The following GALNT17 variants were observed in gnomAD, a reference collection of about 807,000 sequenced individuals.
The protein encoded by GALNT17 is polypeptide N-acetylgalactosaminyltransferase 17, also known as UDP-GalNAc:polypeptide N-acetylgalactosaminyltransferase-like 3.
In GALNT17, 29 loss-of-function variants were observed where a neutral mutation model predicts 63.7. The observed-to-expected ratio is 0.46, with a 90% confidence interval of 0.34 to 0.62. The LOEUF (loss-of-function observed/expected upper bound fraction) is 0.62. Ranked by LOEUF, GALNT17 falls within the 20% of genes least tolerant of loss-of-function variation. The probability of loss-of-function intolerance (pLI) is 0.01; values close to 1 mark genes in which losing one functional copy is unlikely to be tolerated. For synonymous variants in GALNT17, 305 were observed against 318.3 expected (o/e 0.96, Z 0.45); for missense variants, 603 against 799.6 (o/e 0.75, Z 2.97).
intron 1 of GALNT17, among the ~76,000 whole-genome samples, chr7:71,236,200 A>T (rs560564020): frequency 7.2e-5 from 11 of 151,798 alleles, no homozygotes; most frequent in East Asian, 1.9e-4. Flanking sequence ...TAAATAAAAA[A>T]AAAAATAAAA....
Position 71,349,472 on chromosome 7 carries a change from G to A in GALNT17, c.422+13739G>A, listed in dbSNP as rs200975057. ...AAAAGAAGACTGTGGCATATGGAGG[G>A]AACATATTTGTTCTTGGAAAATCAG... On this transcript the variant is annotated intron_variant, in intron 2 of 10. Transcript: ENST00000333538. 3.9e-5 allele frequency among the ~76,000 whole-genome samples: 6 copies of A among 152,116 alleles called. No individual in the cohort carries two copies. The East Asian group carries it at 1.2e-3, about 29-fold the overall frequency.
chr7:71,443,870 G>A (rs527351533), intron 5 of GALNT17, among the ~76,000 whole-genome samples: 147 of 152,168 alleles, frequency 9.7e-4, no homozygotes, highest in African/African-American at 3.1e-3. Context: ...GACTACAGGC[G>A]CCTGCCACCA....
chr7:71,329,443 G>T (rs548235897), intron 1 of GALNT17, among the ~76,000 whole-genome samples: 7 of 152,098 alleles, frequency 4.6e-5, no homozygotes, highest in Non-Finnish European at 1.0e-4. Flanking sequence ...TGCCCATCTC[G>T]CAGCTTTACA....
At chr7:71,496,631 C>T (rs1207335535) in intron 5 of GALNT17, among the ~76,000 whole-genome samples, 3 of 152,228 alleles carry the variant, frequency 2.0e-5, no homozygotes, top group African/African-American at 7.2e-5. Flanking sequence ...AGGAGGAAGG[C>T]ACTACAGAAA....
chr7:71,545,078 C>A (rs1788960318), intron 5 of GALNT17, among the ~76,000 whole-genome samples: 1 of 152,146 alleles, frequency 6.6e-6, no homozygotes, highest in Admixed American at 6.6e-5. Flanking sequence ...ATCCAACTTT[C>A]ATATTTTATA....
chr7:71,303,640 G>A (rs961463513), intron 1 of GALNT17, among the ~76,000 whole-genome samples: 5 of 152,058 alleles, frequency 3.3e-5, no homozygotes, highest in African/African-American at 7.2e-5. Context: ...TACTCAGCAC[G>A]TCGACCTGTT....
intron 6 of GALNT17, among the ~76,000 whole-genome samples, chr7:71,585,205 G>C (rs1406915489): frequency 6.6e-6 from 1 of 152,100 alleles, no homozygotes; most frequent in Non-Finnish European, 1.5e-5. Flanking sequence ...TGCTGACATT[G>C]GGAGATACAT....
intron 9 of GALNT17, among the ~76,000 whole-genome samples, chr7:71,693,190 G>A (rs1306236293): frequency 7.9e-6 from 1 of 126,464 alleles, no homozygotes; most frequent in Non-Finnish European, 1.7e-5. Context: ...AATAGTGTGT[G>A]TGTATATAGT....
chr7:71,701,831 A>ACATATATATACG (rs1562742410), intron 9 of GALNT17, among the ~76,000 whole-genome samples: 3 of 44,046 alleles, frequency 6.8e-5, no homozygotes, highest in Non-Finnish European at 8.5e-5. Flanking sequence ...ATATATACAC[A>ACATATATATACG]TATATATATG....
chr7:71,530,499 C>A (rs1315570180), intron 5 of GALNT17, among the ~76,000 whole-genome samples: 1 of 152,148 alleles, frequency 6.6e-6, no homozygotes, highest in Non-Finnish European at 1.5e-5. Context: ...ACCGATTGCA[C>A]AAACCTTCTA....
At chr7:71,674,398 T>C (rs1791117063) in intron 8 of GALNT17, among the ~76,000 whole-genome samples, 1 of 150,840 alleles carries the variant, frequency 6.6e-6, no homozygotes, top group African/African-American at 2.4e-5. Context: ...CAGGCTACAG[T>C]ACAGTAGCAT....
chr7:71,138,270 C>T (rs1044666943), intron 1 of GALNT17, among the ~76,000 whole-genome samples: 1 of 151,832 alleles, frequency 6.6e-6, no homozygotes, highest in Non-Finnish European at 1.5e-5. Context: ...CCTAGGAGTT[C>T]GAGGCTACAG....
At chr7:71,223,820 T>A (rs1789633429) in intron 1 of GALNT17, among the ~76,000 whole-genome samples, 1 of 152,182 alleles carries the variant, frequency 6.6e-6, no homozygotes, top group South Asian at 2.1e-4. Flanking sequence ...GGTATTTGGA[T>A]TTCTCTTCCT....
intron 6 of GALNT17, among the ~76,000 whole-genome samples, chr7:71,604,070 G>A (rs1790009790): frequency 1.3e-5 from 2 of 152,108 alleles, no homozygotes; most frequent in African/African-American, 4.8e-5. Flanking sequence ...ACTATGCTAA[G>A]TGCATATACC....
At chr7:71,214,579 C>CTTTTT (rs11442081) in intron 1 of GALNT17, among the ~76,000 whole-genome samples, 1 of 138,108 alleles carries the variant, frequency 7.2e-6, no homozygotes, top group Non-Finnish European at 1.5e-5. Flanking sequence ...CTTGATTTGG[C>CTTTTT]TTTTTTTTTT....
At chr7:71,516,884 A>G (rs1436089483) in intron 5 of GALNT17, among the ~76,000 whole-genome samples, 3 of 152,142 alleles carry the variant, frequency 2.0e-5, no homozygotes, top group Non-Finnish European at 4.4e-5. Context: ...CAAGAAAACA[A>G]TTACAGCCTC....
intron 5 of GALNT17, among the ~76,000 whole-genome samples, chr7:71,526,203 C>CT (rs1788621298): frequency 6.6e-6 from 1 of 152,138 alleles, no homozygotes; most frequent in African/African-American, 2.4e-5. Context: ...GGATGTTAGA[C>CT]TTTTTTCCTG....
chr7:71,350,407 G>C (rs1222724145), intron 2 of GALNT17, among the ~76,000 whole-genome samples: 1 of 152,062 alleles, frequency 6.6e-6, no homozygotes. Context: ...TAAATGTTTT[G>C]AAGTAAATGA....
At chr7:71,335,445 G>A in intron 1 of GALNT17, 105 bp from the exon 2 acceptor site, 1 of 1,171,016 alleles carries the variant, frequency 8.5e-7, no homozygotes, top group Non-Finnish European at 1.1e-6. Flanking sequence ...CATTTTTTCT[G>A]TGACAAGTAA....
Sources: allele counts gnomAD v4.1 joint callset (sites outside exome capture counted in the v4.1 genomes callset), GRCh38; gene constraint gnomAD v4.1.1; transcripts MANE v1.5; gene names NCBI Gene and HGNC (gene_info 2026-07-23, HGNC 2026-07-21).